The following CRYBG3 variants were observed in gnomAD, a reference collection of about 807,000 sequenced individuals.
CRYBG3 encodes very large A-kinase anchor protein.
A neutral mutation model predicts 244.2 loss-of-function variants in CRYBG3; 127 were observed. The observed-to-expected ratio is 0.52, with a 90% CI of 0.45 to 0.60. The LOEUF is 0.60. CRYBG3 is among the 20% of genes least tolerant of loss of function. The probability of loss-of-function intolerance (pLI) is 0.00; values close to 1 mark genes in which losing one functional copy is unlikely to be tolerated. For missense variants in CRYBG3, 3,325 were observed against 3,442.5 expected (o/e 0.97, Z 0.85); for synonymous variants, 1,132 against 1,195.8 (o/e 0.95, Z 1.10).
In CRYBG3 at chr3:97,934,592, A is replaced by G. The variant is rs183545521; in HGVS notation, c.8381+759A>G. Among the ~76,000 whole-genome samples the G allele has an allele frequency of 2.5e-3, 375 of 152,224 alleles. 2 individuals carry two copies. The highest frequency in any genetic ancestry group is 7.1e-3 in the African/African-American group (294 of 41,568). Reference sequence around the variant, plus strand: ...TGGCTTTGAAATTCCGTGATAATCAACTGTGCTGGTTTAAATATCTGGGGA... The same window carrying G: ...TGGCTTTGAAATTCCGTGATAATCAGCTGTGCTGGTTTAAATATCTGGGGA... On this transcript the variant is annotated intron_variant, in intron 18 of 21. Transcript: ENST00000389622.
intron 12 of CRYBG3, among the ~76,000 whole-genome samples, chr3:97,898,358 T>C (rs2039663738): frequency 6.6e-6 from 1 of 152,224 alleles, no homozygotes; most frequent in Non-Finnish European, 1.5e-5. Flanking sequence ...GGTTTATCTG[T>C]TTGAGTCATA....
chr3:97,928,503 G>A (rs2040063939), intron 17 of CRYBG3, among the ~76,000 whole-genome samples: 1 of 151,666 alleles, frequency 6.6e-6, no homozygotes, highest in African/African-American at 2.4e-5. Flanking sequence ...AAACCCCTGT[G>A]ACATGCAATT....
Position 97,888,475 on chromosome 3 carries a change from A to AT in CRYBG3, c.7404+20_7404+21insT. The AT allele has an allele frequency of 6.7e-7, 1 of 1,487,978 alleles. No homozygotes were observed. The allele number at this position is 1,487,978 out of a possible 1,614,324, so 92.2% of individuals were successfully genotyped here. On this transcript the variant is annotated intron_variant, in intron 9 of 21. Coordinates refer to ENST00000389622, the MANE Select transcript of CRYBG3 (RefSeq NM_153605.4). ...CAAATGGTAAGCAAATTTAAAAAGAAGCATTCCTTTTCCCAAGTACCCATG... is the reference window on the plus strand; with the variant it reads ...CAAATGGTAAGCAAATTTAAAAAGAATGCATTCCTTTTCCCAAGTACCCATG...
chr3:97,849,814 A>G (rs968466468), intron 2 of CRYBG3, among the ~76,000 whole-genome samples: 2 of 152,212 alleles, frequency 1.3e-5, no homozygotes, highest in Non-Finnish European at 2.9e-5. Context: ...TCAGAGAATC[A>G]AAAGCATTTG....
chr3:97,887,434 C>T (rs546160523), intron 8 of CRYBG3, among the ~76,000 whole-genome samples: 27 of 152,254 alleles, frequency 1.8e-4, no homozygotes, highest in African/African-American at 4.8e-4. Flanking sequence ...ACATTTTTGT[C>T]TCCCCCACAT....
intron 15 of CRYBG3, 96 bp downstream of exon 15, chr3:97,900,581 A>T: frequency 1.3e-6 from 1 of 773,238 alleles, no homozygotes; most frequent in Non-Finnish European, 2.2e-6. Flanking sequence ...GATAACTTTT[A>T]TGTGTCTCTC....
intron 2 of CRYBG3, among the ~76,000 whole-genome samples, chr3:97,849,031 T>A (rs935791200): frequency 6.6e-6 from 1 of 152,220 alleles, no homozygotes; most frequent in South Asian, 2.1e-4. Flanking sequence ...TGTAACCAGA[T>A]ATGCCTGGAC....
chr3:97,900,350 A>G (rs1440020245), intron 14 of CRYBG3, 103 bp from the exon 15 acceptor site: 1 of 711,166 alleles, frequency 1.4e-6, no homozygotes, highest in Non-Finnish European at 2.4e-6. Context: ...TCTGTCTCAA[A>G]AAAGAAAAGA....
At chr3:97,910,101 C>G (rs1448587332) in intron 15 of CRYBG3, among the ~76,000 whole-genome samples, 4 of 151,580 alleles carry the variant, frequency 2.6e-5, no homozygotes, top group Admixed American at 1.3e-4. Context: ...GGCAGTCTGC[C>G]CGTTCTCAGA....
rs927556687 is a variant in CRYBG3, at chr3:97,911,031, G to A, written c.8005-1136G>A. Reference sequence around the variant, plus strand: ...CCTCCAAATACAGTGTGGTTTCACAGTAGGAAGTGGTGTTGTGCAAGCCAC... The same window carrying A: ...CCTCCAAATACAGTGTGGTTTCACAATAGGAAGTGGTGTTGTGCAAGCCAC... On this transcript the variant is annotated intron_variant, in intron 15 of 21. Coordinates refer to ENST00000389622, the MANE Select transcript of CRYBG3 (RefSeq NM_153605.4). Among the ~76,000 whole-genome samples, 9 of 152,316 alleles carry A rather than the reference G, an allele frequency of 5.9e-5. No homozygotes were observed. In the East Asian group the frequency reaches 1.7e-3, roughly 29 times the overall value.
intron 2 of CRYBG3, among the ~76,000 whole-genome samples, chr3:97,857,779 C>G (rs1160136037): frequency 1.3e-5 from 2 of 151,952 alleles, no homozygotes; most frequent in Non-Finnish European, 2.9e-5. Flanking sequence ...TTCGGCTAAT[C>G]TATATCTTTT....
chr3:97,900,013 A>G (rs564729993), intron 14 of CRYBG3, among the ~76,000 whole-genome samples: 1 of 152,368 alleles, frequency 6.6e-6, no homozygotes, highest in East Asian at 1.9e-4. Flanking sequence ...TTTGAGATCC[A>G]TAGCCAGTTC....
Position 97,876,452 on chromosome 3 carries a change from C to G in CRYBG3, c.5258C>G (p.Thr1753Ser). ...GATACTGAAAGAGACGGTGGCAAAA[C>G]TGAGGTGATGCCCCTTGCATTAGAG... Reference protein sequence around the residue: ...PKDTERDGGKTEVMPLALEVV... With the variant: ...PKDTERDGGKSEVMPLALEVV... Residue 1753 changes from threonine (T) to serine (S), a missense_variant, in exon 4 of 22, where the codon ACT becomes AGT. Physicochemically the swap from Thr to Ser is moderately conservative, Grantham distance 58 (BLOSUM62 1). Transcript: ENST00000389622. 8.1e-7 allele frequency: 1 copy of G among 1,231,986 alleles called. No individual in the cohort carries two copies. 76.3% of individuals were successfully genotyped at this position (1,231,986 alleles called of 1,614,324 possible).
At chr3:97,849,133 G>A (rs1026335571) in intron 2 of CRYBG3, among the ~76,000 whole-genome samples, 4 of 152,130 alleles carry the variant, frequency 2.6e-5, no homozygotes, top group African/African-American at 4.8e-5. Context: ...GTAGTAGGGC[G>A]GGTCCTTATT....
intron 17 of CRYBG3, among the ~76,000 whole-genome samples, chr3:97,922,782 A>G (rs976716083): frequency 1.3e-5 from 2 of 152,188 alleles, no homozygotes; most frequent in African/African-American, 4.8e-5. Flanking sequence ...CAGTGTGGCG[A>G]TTCCTCAAGG....
chr3:97,839,069 G>A (rs192177613), intron 1 of CRYBG3, among the ~76,000 whole-genome samples: 34 of 152,206 alleles, frequency 2.2e-4, no homozygotes, highest in Admixed American at 2.0e-3. Context: ...GGTTTTATTT[G>A]TGCGTACATG....
Position 97,934,084 on chromosome 3 carries a change from T to A in CRYBG3, c.8381+251T>A, listed in dbSNP as rs535088538. ...AGCAACTTTGGTTAAGACAATTTCC[T>A]GCTTAAGGCAAGTGACTGCTGGCAA... On this transcript the variant is annotated intron_variant, in intron 18 of 21. Coordinates refer to ENST00000389622, the MANE Select transcript of CRYBG3 (RefSeq NM_153605.4). Among the ~76,000 whole-genome samples the A allele has an allele frequency of 5.9e-5, 9 of 152,222 alleles. No homozygotes were observed. The South Asian group carries it at 1.4e-3, about 25-fold the overall frequency.
Position 97,916,190 on chromosome 3 carries a change from G to A in CRYBG3, c.8241+454G>A, listed in dbSNP as rs116730343. Among the ~76,000 whole-genome samples, 1,114 of 152,244 alleles carry A rather than the reference G, an allele frequency of 7.3e-3. 8 individuals are homozygous for A. Among genetic ancestry groups the A allele is most frequent in the African/African-American group, 0.025 (1,049 of 41,546 alleles). ...TACCATGGTTGTTATTCTTATAGCT[G>A]CTTAAGTATAAAAATAACCTGACCA... On this transcript the variant is annotated intron_variant, in intron 17 of 21. Coordinates refer to ENST00000389622, the MANE Select transcript of CRYBG3 (RefSeq NM_153605.4).
chr3:97,822,245 C>T lies in CRYBG3; in HGVS notation c.39C>T (p.His13=). 7.2e-6 allele frequency: 11 copies of T among 1,531,998 alleles called. No individual in the cohort carries two copies. The highest frequency in any genetic ancestry group is 9.6e-6 in the Non-Finnish European group (11 of 1,145,418). The allele number at this position is 1,531,998 out of a possible 1,614,324, so 94.9% of individuals were successfully genotyped here. A position where few individuals can be genotyped will look rare whatever the true frequency, so the allele number is the denominator to read the frequency against. Residue 13 remains histidine, a synonymous_variant, in exon 1 of 22, where the codon CAC becomes CAT. Coordinates refer to ENST00000389622, the MANE Select transcript of CRYBG3 (RefSeq NM_153605.4). The part of the protein sequence containing the change: ...SGRRRGSAPW[H]SFSRFFAPRS... ...GCAGAAGGGGCAGCGCCCCCTGGCA[C>T]AGCTTCTCCCGGTTCTTCGCTCCCC...
Sources: gnomAD v4.1 joint callset for allele counts (sites outside exome capture counted in the v4.1 genomes callset) on GRCh38, gnomAD v4.1.1 for gene constraint, MANE v1.5 for transcripts, NCBI Gene and HGNC (gene_info 2026-07-23, HGNC 2026-07-21) for gene names.